The following ANKRD50 variants were observed in gnomAD, a reference collection of about 807,000 sequenced individuals.
ANKRD50 encodes the protein ankyrin repeat domain-containing protein 50.
Under a neutral mutation model 112.0 loss-of-function variants are expected in ANKRD50, and 40 were observed. The ratio of observed to expected loss-of-function variants is 0.36; its 90% CI spans 0.28 to 0.46. The LOEUF is 0.46. Among genes scored for constraint, ANKRD50 ranks in the 20% least tolerant of loss-of-function variants. The probability of loss-of-function intolerance (pLI) is 1.00; values close to 1 mark genes in which losing one functional copy is unlikely to be tolerated. For synonymous variants in ANKRD50, 613 were observed against 619.1 expected, an observed-to-expected ratio of 0.99 and a Z score of 0.15; for missense variants, 1,487 against 1,701.7, an observed-to-expected ratio of 0.87 and a Z score of 2.22.
intron 2 of ANKRD50, among the ~76,000 whole-genome samples, chr4:124,699,674 T>G: frequency 6.6e-6 from 1 of 152,088 alleles, no homozygotes; most frequent in East Asian, 1.9e-4. Flanking sequence ...TAAAAATTAA[T>G]TTCAATGTAA....
At position 124,710,461 on chromosome 4, in the gene ANKRD50, T is replaced by G; in HGVS notation, c.51A>C (p.Leu17Phe). 2 of 1,614,036 alleles carry G rather than the reference T, an allele frequency of 1.2e-6. No homozygotes were observed. The highest frequency in any genetic ancestry group is 1.7e-6 in the Non-Finnish European group (2 of 1,180,004). Reference protein sequence around the residue: ...EKVCKMAQTSLLQGKQFYCRE... With the variant: ...EKVCKMAQTSFLQGKQFYCRE... ...TACAGTAAAACTGCTTCCCTTGCAG[T>G]AAACTGGTTTGAGCCATTTTGCAGA... is the stretch of plus-strand genomic sequence containing the variant. The change falls in exon 2 of 5, where the codon TTA (leucine) becomes TTC (phenylalanine). Residue 17 changes from leucine (L) to phenylalanine (F), a missense_variant. By Grantham distance (22) the Leu-to-Phe change is conservative. Around this residue, in one of 2 missense-constraint regions of ANKRD50, gnomAD observed 1,046 missense variants for 1,269.5 expected, o/e 0.82. Coordinates refer to ENST00000504087, the MANE Select transcript of ANKRD50 (RefSeq NM_020337.3).
rs148577124 is a variant in ANKRD50, at chr4:124,689,123, A to T, written c.513-10218T>A. On this transcript the variant is annotated intron_variant, in intron 2 of 4. Coordinates refer to ENST00000504087, the MANE Select transcript of ANKRD50 (RefSeq NM_020337.3). ...CTAAGGAATTGGCAGTTTAGCATCCACTTTCAAAAACTTTGGGAGAGAAGG... is the reference window on the plus strand; with the variant it reads ...CTAAGGAATTGGCAGTTTAGCATCCTCTTTCAAAAACTTTGGGAGAGAAGG... Among the ~76,000 whole-genome samples, 330 of 152,334 alleles carry T rather than the reference A, an allele frequency of 2.2e-3. 1 individual carries two copies. Among genetic ancestry groups the T allele is most frequent in the African/African-American group, 7.3e-3 (303 of 41,570 alleles).
intron 2 of ANKRD50, among the ~76,000 whole-genome samples, chr4:124,699,314 G>A (rs1033763913): frequency 6.0e-5 from 9 of 150,502 alleles, no homozygotes; most frequent in East Asian, 5.8e-4. Flanking sequence ...TTACTTTCCC[G>A]TATCACTGAA....
At chr4:124,707,302 C>T (rs958495969) in intron 2 of ANKRD50, among the ~76,000 whole-genome samples, 9 of 151,952 alleles carry the variant, frequency 5.9e-5, no homozygotes, top group Non-Finnish European at 8.8e-5. Context: ...AAATAAAATA[C>T]GTTCCTATTA....
intron 2 of ANKRD50, among the ~76,000 whole-genome samples, chr4:124,701,574 A>T (rs1279698286): frequency 6.6e-6 from 1 of 152,236 alleles, no homozygotes; most frequent in African/African-American, 2.4e-5. Context: ...AGATTAGGTT[A>T]GCATAATAGA....
In ANKRD50 at chr4:124,671,646, T is replaced by A; in HGVS notation, c.1631A>T (p.Asn544Ile). ...AGCATTAGCCAATAATGTTCTCCCA[T>A]TTGAATCACACTGATTTACTGAAGC... Reference protein sequence around the residue: ...NGASVNQCDSNGRTLLANAAY... With the variant: ...NGASVNQCDSIGRTLLANAAY... The change falls in exon 4 of 5, where the codon AAT becomes ATT. Residue 544 changes from asparagine (N) to isoleucine (I), a missense_variant. By Grantham distance (149) the Asn-to-Ile change is moderately radical. Around this residue, in one of 2 missense-constraint regions of ANKRD50, gnomAD observed 1,046 missense variants for 1,269.5 expected, o/e 0.82. Transcript: ENST00000504087. 12 of 1,613,878 alleles carry A rather than the reference T, an allele frequency of 7.4e-6. No individual in the cohort carries two copies. The highest frequency in any genetic ancestry group is 3.3e-4 in the Middle Eastern group (2 of 6,058).
chr4:124,683,042 T>C (rs901806181), intron 2 of ANKRD50, among the ~76,000 whole-genome samples: 1 of 151,804 alleles, frequency 6.6e-6, no homozygotes, highest in Non-Finnish European at 1.5e-5. Flanking sequence ...TCCTTATAAA[T>C]TTTATATATA....
rs1255285354 is a variant in ANKRD50, at chr4:124,666,751, G to C, written c.*767C>G. ...CTTCTTAGAGGTGGAATGACAAAGT[G>C]AATGGAAGATGAAATTGTATCCCAG... On this transcript the variant is annotated 3_prime_UTR_variant, in exon 5 of 5. Transcript: ENST00000504087. 2 of 152,330 alleles carry C rather than the reference G, an allele frequency of 1.3e-5. No individual in the cohort carries two copies. Among genetic ancestry groups the C allele is most frequent in the African/African-American group, 4.8e-5 (2 of 41,396 alleles). 9.4% of individuals were successfully genotyped at this position (152,330 alleles called of 1,614,324 possible).
intron 2 of ANKRD50, among the ~76,000 whole-genome samples, chr4:124,685,117 T>C (rs540438692): frequency 6.6e-6 from 1 of 152,334 alleles, no homozygotes; most frequent in South Asian, 2.1e-4. Context: ...GTTGTGTTAC[T>C]TCTGTACTGC....
At chr4:124,696,453 T>C (rs941696557) in intron 2 of ANKRD50, among the ~76,000 whole-genome samples, 2 of 152,106 alleles carry the variant, frequency 1.3e-5, no homozygotes, top group Non-Finnish European at 2.9e-5. Flanking sequence ...CACTATACTA[T>C]CTGAAGAAGT....
intron 2 of ANKRD50, among the ~76,000 whole-genome samples, chr4:124,682,771 A>C (rs1461432358): frequency 1.3e-5 from 2 of 151,968 alleles, no homozygotes; most frequent in East Asian, 3.9e-4. Flanking sequence ...TTGCCTCTTT[A>C]TATGTGAAGT....
At chr4:124,692,753 C>T (rs562429546) in intron 2 of ANKRD50, among the ~76,000 whole-genome samples, 2 of 152,280 alleles carry the variant, frequency 1.3e-5, no homozygotes, top group African/African-American at 4.8e-5. Flanking sequence ...TTCAAACCTG[C>T]CCATATCTTG....
At chr4:124,699,836 A>C (rs1425872120) in intron 2 of ANKRD50, among the ~76,000 whole-genome samples, 5 of 151,832 alleles carry the variant, frequency 3.3e-5, no homozygotes, top group Non-Finnish European at 7.4e-5. Flanking sequence ...AATAAAAATT[A>C]CCAGTGTGAA....
intron 2 of ANKRD50, among the ~76,000 whole-genome samples, chr4:124,696,640 C>T (rs1462427384): frequency 4.6e-5 from 7 of 151,928 alleles, no homozygotes. Context: ...TCCAAAGGAG[C>T]AAAAATAACA....
Position 124,669,370 on chromosome 4 carries a change from G to C in ANKRD50, c.3907C>G (p.Gln1303Glu), listed in dbSNP as rs1261864589. 1 of 1,613,630 alleles carries C rather than the reference G, an allele frequency of 6.2e-7. No homozygotes were observed. The highest frequency in any genetic ancestry group is 1.1e-5 in the South Asian group (1 of 91,006). ...QPKVLEYEMT[Q>E]FDRRGPIAKS... ...GCTATAGGTCCTCTTCTATCAAACT[G>C]AGTCATTTCATATTCTAAAACCTTT... is the stretch of plus-strand genomic sequence containing the variant. The change falls in exon 4 of 5, where the codon CAG becomes GAG. Residue 1303 changes from glutamine (Q) to glutamate (E), a missense_variant. Around this residue, in one of 2 missense-constraint regions of ANKRD50, gnomAD observed 441 missense variants for 432.2 expected, o/e 1.02. Coordinates refer to ENST00000504087, the MANE Select transcript of ANKRD50 (RefSeq NM_020337.3).
intron 2 of ANKRD50, among the ~76,000 whole-genome samples, chr4:124,680,438 A>C (rs1046385759): frequency 1.3e-5 from 2 of 152,214 alleles, no homozygotes; most frequent in Non-Finnish European, 2.9e-5. Context: ...GAATGTCAGA[A>C]TAATATTCAT....
chr4:124,712,033 G>A (rs1725646965), intron 1 of ANKRD50, among the ~76,000 whole-genome samples: 1 of 152,100 alleles, frequency 6.6e-6, no homozygotes, highest in Non-Finnish European at 1.5e-5. Context: ...GGGATTCCCA[G>A]CGCCGGGCAC....
rs1046479433 is a variant in ANKRD50 at position 124,665,519 on chromosome 4, T to C, written c.*1999A>G. ...TCTTTCTAAAGAAAATTACATGTAA[T>C]AGAAATTAGAGCTTCATCCTCTACA... is the stretch of plus-strand genomic sequence containing the variant. On this transcript the variant is annotated 3_prime_UTR_variant, in exon 5 of 5. Transcript: ENST00000504087. 10 of 152,476 alleles carry C rather than the reference T, an allele frequency of 6.6e-5. No individual in the cohort carries two copies. The East Asian group carries it at 1.4e-3, about 21-fold the overall frequency. 9.4% of individuals were successfully genotyped at this position (152,476 alleles called of 1,614,324 possible).
intron 2 of ANKRD50, among the ~76,000 whole-genome samples, chr4:124,693,693 C>T (rs1025892402): frequency 3.9e-5 from 6 of 151,984 alleles, no homozygotes; most frequent in South Asian, 2.1e-4. Flanking sequence ...TTGATATTTA[C>T]GGGATTTAAA....
Sources: allele counts gnomAD v4.1 joint callset (sites outside exome capture counted in the v4.1 genomes callset), GRCh38; gene constraint gnomAD v4.1.1; regional missense constraint gnomAD v4.1.1; transcripts MANE v1.5; gene names NCBI Gene and HGNC (gene_info 2026-07-23, HGNC 2026-07-21).